The following SPAG16 variants were observed in gnomAD, a reference collection of about 807,000 sequenced individuals.
SPAG16 encodes the protein sperm associated antigen 16.
Under a neutral mutation model 80.4 loss-of-function variants are expected in SPAG16, and 86 were observed. That is an observed-to-expected ratio of 1.07 (90% CI 0.90 to 1.28). The LOEUF is 1.28. SPAG16 is among the 50% of genes most tolerant of loss of function. The probability of loss-of-function intolerance (pLI) is 0.00; values close to 1 mark genes in which losing one functional copy is unlikely to be tolerated. For missense variants in SPAG16, 870 were observed against 765.3 expected, an observed-to-expected ratio of 1.14 and a Z score of -1.61; for synonymous variants, 294 against 265.9, an observed-to-expected ratio of 1.11 and a Z score of -1.03.
intron 9 of SPAG16, among the ~76,000 whole-genome samples, chr2:213,449,894 A>C (rs2071584340): frequency 6.6e-6 from 1 of 152,194 alleles, no homozygotes; most frequent in Admixed American, 6.5e-5. Flanking sequence ...TAGTTTCCAG[A>C]GTTAATAATT....
At chr2:214,361,439 C>T (rs1699174735) in intron 15 of SPAG16, among the ~76,000 whole-genome samples, 1 of 151,746 alleles carries the variant, frequency 6.6e-6, no homozygotes, top group Non-Finnish European at 1.5e-5. Flanking sequence ...TGTTTCTAAG[C>T]TTATCTATTA....
intron 13 of SPAG16, among the ~76,000 whole-genome samples, chr2:214,070,932 A>G (rs2050760707): frequency 1.3e-5 from 2 of 152,214 alleles, no homozygotes; most frequent in Non-Finnish European, 2.9e-5. Context: ...ATAGTAGAGA[A>G]AGTTATAAAA....
chr2:214,208,000 T>C (rs1576497108), intron 15 of SPAG16, among the ~76,000 whole-genome samples: 2 of 152,332 alleles, frequency 1.3e-5, no homozygotes, highest in East Asian at 1.9e-4. Flanking sequence ...TTTGAGGTTT[T>C]TGGACTCAGA....
chr2:214,003,958 A>G (rs190178006), intron 12 of SPAG16, among the ~76,000 whole-genome samples: 156 of 152,338 alleles, frequency 1.0e-3, no homozygotes, highest in African/African-American at 3.7e-3. Flanking sequence ...CATGAAAAAC[A>G]TGGCAATAAA....
intron 10 of SPAG16, among the ~76,000 whole-genome samples, chr2:213,576,853 G>T (rs1454362340): frequency 1.3e-5 from 2 of 152,084 alleles, no homozygotes; most frequent in Non-Finnish European, 2.9e-5. Context: ...GGTGGAGGGT[G>T]GGAGGAAGGA....
At chr2:213,334,813 A>AGT (rs368125759) in intron 5 of SPAG16, among the ~76,000 whole-genome samples, 74 of 151,738 alleles carry the variant, frequency 4.9e-4, no homozygotes, top group African/African-American at 1.4e-3. Flanking sequence ...TGGGAAGGGT[A>AGT]GTGTGTGTGT....
chr2:213,929,626 C>T (rs1306398380), intron 11 of SPAG16, among the ~76,000 whole-genome samples: 4 of 95,058 alleles, frequency 4.2e-5, no homozygotes, highest in Admixed American at 2.2e-4. Context: ...TTCTGAAGCC[C>T]GATCATCCAG....
chr2:213,290,450 G>T (rs2062225717), intron 1 of SPAG16, among the ~76,000 whole-genome samples: 1 of 152,180 alleles, frequency 6.6e-6, no homozygotes, highest in Non-Finnish European at 1.5e-5. Flanking sequence ...AGTATTAAGT[G>T]TCAAGTCAAG....
At chr2:213,635,482 A>T (rs1478252268) in intron 10 of SPAG16, among the ~76,000 whole-genome samples, 1 of 152,076 alleles carries the variant, frequency 6.6e-6, no homozygotes, top group African/African-American at 2.4e-5. Flanking sequence ...TTTTTTCAGG[A>T]ATCTCCATAC....
At position 214,346,960 on chromosome 2, in the gene SPAG16, T is replaced by C. The variant is rs184871748; in HGVS notation, c.1721-63180T>C. On this transcript the variant is annotated intron_variant, in intron 15 of 15. Coordinates refer to ENST00000331683, the MANE Select transcript of SPAG16 (RefSeq NM_024532.5). ...ATCATAAAATGGTTATTTTAAGCCA[T>C]TAAGTTTGGGGTTTGTCATATTTCA... Among the ~76,000 whole-genome samples, 22 of 152,304 alleles carry C rather than the reference T, an allele frequency of 1.4e-4. No homozygotes were observed. In the East Asian group the frequency reaches 4.2e-3, roughly 29 times the overall value.
At chr2:213,876,939 C>T (rs1257278698) in intron 11 of SPAG16, among the ~76,000 whole-genome samples, 2 of 152,090 alleles carry the variant, frequency 1.3e-5, no homozygotes, top group Admixed American at 1.3e-4. Context: ...TGTTAAAATG[C>T]ATGATGTAAT....
chr2:213,390,898 C>T (rs192910456), intron 9 of SPAG16, among the ~76,000 whole-genome samples: 21 of 152,256 alleles, frequency 1.4e-4, no homozygotes, highest in Admixed American at 3.3e-4. Flanking sequence ...ACAGCTTTCT[C>T]ATAAGGTATG....
chr2:213,976,135 T>TATACACACACACAC (rs749957411), intron 12 of SPAG16, among the ~76,000 whole-genome samples: 17 of 81,402 alleles, frequency 2.1e-4, no homozygotes, highest in African/African-American at 4.5e-4. Flanking sequence ...TATATATATA[T>TATACACACACACAC]ACACACACAC....
chr2:213,372,021 T>G (rs2066667635), intron 8 of SPAG16, among the ~76,000 whole-genome samples: 1 of 152,160 alleles, frequency 6.6e-6, no homozygotes, highest in Non-Finnish European at 1.5e-5. Context: ...ATATTTAAAC[T>G]GAAAATTACA....
intron 9 of SPAG16, among the ~76,000 whole-genome samples, chr2:213,481,900 G>C (rs943627045): frequency 6.6e-6 from 1 of 152,218 alleles, no homozygotes; most frequent in Non-Finnish European, 1.5e-5. Context: ...TGCCATTGCA[G>C]TGATTTTTGT....
intron 10 of SPAG16, among the ~76,000 whole-genome samples, chr2:213,758,823 A>T (rs1442059752): frequency 6.6e-6 from 1 of 152,212 alleles, no homozygotes; most frequent in Non-Finnish European, 1.5e-5. Flanking sequence ...AACAGAATTC[A>T]AGGAAGATGA....
intron 14 of SPAG16, among the ~76,000 whole-genome samples, chr2:214,125,855 C>T (rs1298617650): frequency 6.6e-6 from 1 of 151,238 alleles, no homozygotes; most frequent in African/African-American, 2.4e-5. Flanking sequence ...TTAAAAGACC[C>T]GGGGAAAATT....
In SPAG16 at chr2:213,473,174, G is replaced by A. The variant is rs753496433; in HGVS notation, c.943-16789G>A. On this transcript the variant is annotated intron_variant, in intron 9 of 15. Transcript: ENST00000331683. ...TATCAATTTCACTTCCAGGAACTCC[G>A]TGATTAATTAGCCAATGCTAGAGCT... Among the ~76,000 whole-genome samples, 28 of 152,234 alleles carry A rather than the reference G, an allele frequency of 1.8e-4. 1 individual carries two copies. The highest frequency in any genetic ancestry group is 3.1e-4 in the African/African-American group (13 of 41,560).
intron 10 of SPAG16, among the ~76,000 whole-genome samples, chr2:213,592,538 G>A (rs929616454): frequency 1.4e-4 from 22 of 152,142 alleles, no homozygotes; most frequent in Non-Finnish European, 5.9e-5. Context: ...CCTACTGCCT[G>A]ATATTTAATA....
Sources: allele counts gnomAD v4.1 joint callset (sites outside exome capture counted in the v4.1 genomes callset), GRCh38; gene constraint gnomAD v4.1.1; transcripts MANE v1.5; gene names NCBI Gene and HGNC (gene_info 2026-07-23, HGNC 2026-07-21).